ZNF160: variants seen among roughly 807,000 people sequenced by gnomAD.
ZNF160 encodes the protein KRAB zinc finger protein KR18.
Under a neutral mutation model 13.1 loss-of-function variants are expected in ZNF160, and 9 were observed. The ratio of observed to expected loss-of-function variants is 0.69; its 90% CI spans 0.41 to 1.20. The LOEUF (loss-of-function observed/expected upper bound fraction) is 1.20. ZNF160 is among the 50% of genes most tolerant of loss of function. ZNF160 has a pLI of 0.01. For missense variants in ZNF160, 838 were observed against 988.0 expected (o/e 0.85, Z 2.04); for synonymous variants, 293 against 333.2 (o/e 0.88, Z 1.31).
chr19:53,072,568 T>C (rs887317807), intron 5 of ZNF160, among the ~76,000 whole-genome samples: 1 of 152,174 alleles, frequency 6.6e-6, no homozygotes, highest in Non-Finnish European at 1.5e-5. Context: ...AAAAAAATTA[T>C]TGGCCAGGTG....
chr19:53,081,109 T>C lies in ZNF160; in HGVS notation c.15+5153A>G, dbSNP rs897903974. On this transcript the variant is annotated intron_variant, in intron 3 of 5. Coordinates refer to ENST00000683776, the MANE Select transcript of ZNF160 (RefSeq NM_001322131.2). The stretch of plus-strand genomic sequence containing the variant: ...ATACTTAATATAAGACCTCCAACTA[T>C]AAAAATCTTAAAAGCAAACCTAGGA... Among the ~76,000 whole-genome samples, 8 of 152,156 alleles carry C rather than the reference T, an allele frequency of 5.3e-5. No individual in the cohort carries two copies. The East Asian group carries it at 1.3e-3, about 26-fold the overall frequency.
chr19:53,073,293 G>A (rs2084248808), intron 5 of ZNF160: 5 of 1,566,992 alleles, frequency 3.2e-6, no homozygotes, highest in Non-Finnish European at 4.3e-6. Context: ...ATCAATGACA[G>A]AAGGATTTTG....
chr19:53,072,355 C>G (rs989294533), intron 5 of ZNF160, among the ~76,000 whole-genome samples: 3 of 152,180 alleles, frequency 2.0e-5, no homozygotes, highest in Admixed American at 2.0e-4. Context: ...CTGCCTCTGC[C>G]TCCCCAAGTG....
chr19:53,075,444 G>C (rs2084350542), intron 3 of ZNF160: 1 of 408,650 alleles, frequency 2.4e-6, no homozygotes, highest in Non-Finnish European at 4.5e-6. Flanking sequence ...GGTAGCTTCA[G>C]GATGGAGGGC....
chr19:53,089,168 A>C (rs1461430077), intron 2 of ZNF160, among the ~76,000 whole-genome samples: 1 of 152,194 alleles, frequency 6.6e-6, no homozygotes, highest in Non-Finnish European at 1.5e-5. Context: ...CCCAACCTGC[A>C]ACTTGTGACC....
At chr19:53,076,209 C>G (rs1310037990) in intron 3 of ZNF160, among the ~76,000 whole-genome samples, 1 of 152,140 alleles carries the variant, frequency 6.6e-6, no homozygotes. Context: ...GTCGATTTCT[C>G]AGTTTTATGG....
Position 53,070,130 on chromosome 19 carries a change from T to C in ZNF160, c.404A>G (p.Gln135Arg). The C allele has an allele frequency of 6.2e-7, 1 of 1,614,152 alleles. No individual in the cohort carries two copies. Among genetic ancestry groups the C allele is most frequent in the Non-Finnish European group, 8.5e-7 (1 of 1,180,044 alleles). ...DIEDFSFKEP[Q>R]KNVHDFECQW... ...ACACTCAAAATCATGCACATTTTTC[T>C]GGGGTTCCTTGAAGGAAAAGTCTTC... is the stretch of plus-strand genomic sequence containing the variant. Residue 135 changes from glutamine (Q) to arginine (R), a missense_variant, in exon 6 of 6, where the codon CAG becomes CGG. Transcript: ENST00000683776.
At chr19:53,073,782 C>A (rs1209365679) in intron 5 of ZNF160, among the ~76,000 whole-genome samples, 1 of 151,744 alleles carries the variant, frequency 6.6e-6, no homozygotes, top group African/African-American at 2.4e-5. Context: ...GAGTTTCCCA[C>A]TTTATTTATT....
In ZNF160 at chr19:53,100,459, A is replaced by T. The variant is rs940861257; in HGVS notation, c.-354+2806T>A. ...CCCCATCTCTACTAAAAATACAAAA[A>T]ATTTGCCGGGCGTGGTGGCGGCTGC... is the stretch of plus-strand genomic sequence containing the variant. On this transcript the variant is annotated intron_variant, in intron 1 of 5. Coordinates refer to ENST00000683776, the MANE Select transcript of ZNF160 (RefSeq NM_001322131.2). 7.2e-5 allele frequency among the ~76,000 whole-genome samples: 11 copies of T among 152,004 alleles called. 1 individual carries two copies. The highest frequency in any genetic ancestry group is 5.9e-4 in the Admixed American group (9 of 15,262).
intron 5 of ZNF160, chr19:53,073,168 TTGC>T (rs2084244437): frequency 4.3e-6 from 6 of 1,405,960 alleles, no homozygotes; most frequent in Non-Finnish European, 5.6e-6. Context: ...ATTCTACTCT[TTGC>T]TGCTATTAGT....
At chr19:53,078,146 AG>A (rs2084479688) in intron 3 of ZNF160, among the ~76,000 whole-genome samples, 1 of 152,124 alleles carries the variant, frequency 6.6e-6, no homozygotes, top group Non-Finnish European at 1.5e-5. Flanking sequence ...AGGCTGAGGC[AG>A]AAGAATCGCT....
At chr19:53,100,487 G>A (rs903302914) in intron 1 of ZNF160, among the ~76,000 whole-genome samples, 2 of 152,164 alleles carry the variant, frequency 1.3e-5, no homozygotes, top group Non-Finnish European at 2.9e-5. Flanking sequence ...GCGGCTGCCT[G>A]TAGTCCCAAC....
In ZNF160 at chr19:53,086,308, T is replaced by G; in HGVS notation, c.-32A>C. The G allele has an allele frequency of 1.3e-6, 2 of 1,577,244 alleles. No homozygotes were observed. Among genetic ancestry groups the G allele is most frequent in the Non-Finnish European group, 1.7e-6 (2 of 1,164,502 alleles). On this transcript the variant is annotated 5_prime_UTR_variant, in exon 3 of 6. Transcript: ENST00000683776. ...CTCCTTTTCTTTCCTCTTCCTCTTCTTCCAGACTTCTTCCTTGGGTAACAT... is the reference window on the plus strand; with the variant it reads ...CTCCTTTTCTTTCCTCTTCCTCTTCGTCCAGACTTCTTCCTTGGGTAACAT...
At position 53,067,378 on chromosome 19, in the gene ZNF160, T is replaced by G. The variant is rs539642061; in HGVS notation, c.*699A>C. On this transcript the variant is annotated 3_prime_UTR_variant, in exon 6 of 6. Coordinates refer to ENST00000683776, the MANE Select transcript of ZNF160 (RefSeq NM_001322131.2). The stretch of plus-strand genomic sequence containing the variant: ...GGTGAGTGACATCATAGTTTTACAT[T>G]GTTTTTCGCCACTCCCAAATGCTAA... 6.6e-6 allele frequency: 1 copy of G among 152,194 alleles called. No individual in the cohort carries two copies. The highest frequency in any genetic ancestry group is 1.5e-5 in the Non-Finnish European group (1 of 68,030). The allele number at this position is 152,194 out of a possible 1,614,324, so 9.4% of individuals were successfully genotyped here. A position where few individuals can be genotyped will look rare whatever the true frequency, so the allele number is the denominator to read the frequency against.
chr19:53,075,641 A>C (rs2084359311), intron 3 of ZNF160: 2 of 466,712 alleles, frequency 4.3e-6, no homozygotes, highest in African/African-American at 4.0e-5. Flanking sequence ...ACATGAGAGA[A>C]TACATCCCAG....
At chr19:53,086,071 C>T in intron 3 of ZNF160, 191 bp downstream of exon 3, 3 of 1,398,624 alleles carry the variant, frequency 2.1e-6, no homozygotes, top group Non-Finnish European at 2.9e-6. Flanking sequence ...AGTGCAGCCT[C>T]TTCCCAAGTT....
chr19:53,076,060 T>C (rs2084376327), intron 3 of ZNF160: 1 of 224,712 alleles, frequency 4.5e-6, no homozygotes, highest in African/African-American at 2.3e-5. Flanking sequence ...GTATTTGTAT[T>C]ATGGAAGCAA....
At chr19:53,089,309 C>T (rs2084952481) in intron 2 of ZNF160, among the ~76,000 whole-genome samples, 1 of 152,230 alleles carries the variant, frequency 6.6e-6, no homozygotes, top group Non-Finnish European at 1.5e-5. Context: ...ATGGAAAATG[C>T]ATTGCTGGTG....
Position 53,085,919 on chromosome 19 carries a change from G to C in ZNF160, c.15+343C>G. 1.2e-5 allele frequency: 11 copies of C among 944,022 alleles called. No individual in the cohort carries two copies. The South Asian group carries it at 1.6e-4, about 14-fold the overall frequency. 58.5% of individuals were successfully genotyped at this position (944,022 alleles called of 1,614,324 possible). A position where few individuals can be genotyped will look rare whatever the true frequency, so the allele number is the denominator to read the frequency against. ...GCACCTGACTTCATGGGCAGCTTCT[G>C]TTATCATGGTTTACACAGCGCTGAC... On this transcript the variant is annotated intron_variant, in intron 3 of 5. Transcript: ENST00000683776.
Sources: gnomAD v4.1 joint callset for allele counts (sites outside exome capture counted in the v4.1 genomes callset) on GRCh38, gnomAD v4.1.1 for gene constraint, MANE v1.5 for transcripts, NCBI Gene and HGNC (gene_info 2026-07-23, HGNC 2026-07-21) for gene names.